LRP1B: variants seen among roughly 807,000 people sequenced by gnomAD.
LRP1B encodes low-density lipoprotein receptor-related protein 1B.
LRP1B carries 217 observed loss-of-function variants against 556.6 expected under a neutral mutation model. The ratio of observed to expected loss-of-function variants is 0.39; its 90% CI spans 0.35 to 0.44. The LOEUF is 0.44. LRP1B is among the 20% of genes least tolerant of loss of function. LRP1B has a pLI of 1.00. For synonymous variants in LRP1B, 2,047 were observed against 1,865.8 expected, an observed-to-expected ratio of 1.10 and a Z score of -2.50; for missense variants, 5,053 against 5,620.8, an observed-to-expected ratio of 0.90 and a Z score of 3.23.
intron 7 of LRP1B, among the ~76,000 whole-genome samples, chr2:141,155,485 TA>T (rs200578745): frequency 0.035 from 5,332 of 151,154 alleles, 128 homozygotes; most frequent in African/African-American, 0.071. Context: ...TTTTTATTAT[TA>T]TTTTTTTTTA....
At chr2:141,183,051 C>G (rs986602964) in intron 7 of LRP1B, among the ~76,000 whole-genome samples, 4 of 151,830 alleles carry the variant, frequency 2.6e-5, no homozygotes, top group Non-Finnish European at 5.9e-5. Context: ...GCTTTAGAAC[C>G]GTCTCAGTCC....
intron 79 of LRP1B, among the ~76,000 whole-genome samples, chr2:140,327,352 C>T (rs1318065167): frequency 1.3e-5 from 2 of 152,002 alleles, no homozygotes; most frequent in African/African-American, 4.8e-5. Flanking sequence ...TATTTTGTTC[C>T]TCAAGTAATG....
intron 84 of LRP1B, among the ~76,000 whole-genome samples, chr2:140,293,803 T>A (rs1299635661): frequency 6.6e-6 from 1 of 152,202 alleles, no homozygotes; most frequent in Non-Finnish European, 1.5e-5. Flanking sequence ...CAAGAATGTT[T>A]GTTGACATCT....
chr2:140,247,119 G>T lies in LRP1B; in HGVS notation c.13291C>A (p.Pro4431Thr), dbSNP rs1371477935. 6.2e-7 allele frequency: 1 copy of T among 1,609,454 alleles called. No individual in the cohort carries two copies. Among genetic ancestry groups the T allele is most frequent in the Non-Finnish European group, 8.5e-7 (1 of 1,176,834 alleles). Residue 4431 changes from proline (P) to threonine (T), a missense_variant, in exon 87 of 91, where the codon CCA becomes ACA. Pro to Thr is a conservative substitution (Grantham distance 38). Transcript: ENST00000389484. ...ATATGATCAGACTTGCTGCTCTTTG[G>T]GGCTGGCCTTTCACACTGTGTGCCT... ...WSGTQCERPA[P>T]KSSKSDHIST...
intron 1 of LRP1B, among the ~76,000 whole-genome samples, chr2:141,840,932 G>GGA (rs1697448873): frequency 6.9e-6 from 1 of 145,956 alleles, no homozygotes; most frequent in African/African-American, 2.5e-5. Flanking sequence ...TGCATCTAGG[G>GGA]AAAAAAAAAA....
chr2:140,597,009 C>T (rs1463610486), intron 43 of LRP1B, among the ~76,000 whole-genome samples: 1 of 151,930 alleles, frequency 6.6e-6, no homozygotes, highest in Admixed American at 6.6e-5. Flanking sequence ...CATAAATAGT[C>T]CCTAAATTAA....
Position 141,940,602 on chromosome 2 carries a change from T to C in LRP1B, c.83-130201A>G, listed in dbSNP as rs557662659. 9.8e-4 allele frequency among the ~76,000 whole-genome samples: 150 copies of C among 152,318 alleles called. 1 individual carries two copies. The highest frequency in any genetic ancestry group is 3.6e-3 in the African/African-American group (148 of 41,588). ...TACTTATCCTGACTTCTATTCATGA[T>C]TTAACTAAATCCGGTTTCCTTAGGA... On this transcript the variant is annotated intron_variant, in intron 1 of 90. Transcript: ENST00000389484.
intron 3 of LRP1B, among the ~76,000 whole-genome samples, chr2:141,457,815 G>A (rs1056550671): frequency 2.6e-5 from 4 of 152,132 alleles, no homozygotes; most frequent in African/African-American, 9.7e-5. Flanking sequence ...GGCAGAAAAT[G>A]GAAGCCCAGG....
intron 1 of LRP1B, among the ~76,000 whole-genome samples, chr2:141,911,851 G>GTC (rs3039378): frequency 0.86 from 130,316 of 151,878 alleles, 56,083 homozygotes; most frequent in East Asian, 1. Context: ...CTGTGGAAGA[G>GTC]TCTCAAATAA....
intron 1 of LRP1B, among the ~76,000 whole-genome samples, chr2:142,091,452 T>C (rs1706170883): frequency 6.6e-6 from 1 of 152,138 alleles, no homozygotes; most frequent in African/African-American, 2.4e-5. Flanking sequence ...TTCTTAGAAG[T>C]ATAGCTAAAA....
chr2:141,048,450 T>TA (rs1698942887), intron 11 of LRP1B, among the ~76,000 whole-genome samples: 1 of 152,108 alleles, frequency 6.6e-6, no homozygotes, highest in Admixed American at 6.6e-5. Flanking sequence ...TACCTATAAA[T>TA]AAAAATAGAT....
At chr2:141,851,870 T>C (rs1162333416) in intron 1 of LRP1B, among the ~76,000 whole-genome samples, 1 of 151,782 alleles carries the variant, frequency 6.6e-6, no homozygotes, top group East Asian at 1.9e-4. Flanking sequence ...ACTTTTCTGA[T>C]AATAATTCCC....
intron 5 of LRP1B, among the ~76,000 whole-genome samples, chr2:141,235,470 C>T (rs1375383179): frequency 1.3e-5 from 2 of 152,024 alleles, no homozygotes; most frequent in African/African-American, 4.8e-5. Flanking sequence ...AGTGGAGGCA[C>T]AAGTTTCCTG....
At chr2:140,241,939 G>A (rs1178069515) in intron 87 of LRP1B, among the ~76,000 whole-genome samples, 1 of 150,578 alleles carries the variant, frequency 6.6e-6, no homozygotes, top group Non-Finnish European at 1.5e-5. Context: ...AGGGTGGAGG[G>A]GATATCTCAA....
chr2:140,867,434 C>T (rs1471723630), intron 27 of LRP1B, among the ~76,000 whole-genome samples, 156 bp downstream of exon 27: 2 of 151,806 alleles, frequency 1.3e-5, no homozygotes, highest in African/African-American at 4.8e-5. Context: ...AAATTCTAAA[C>T]CAGTTAAAAT....
intron 1 of LRP1B, among the ~76,000 whole-genome samples, chr2:141,843,313 A>G (rs1007373692): frequency 2.6e-5 from 4 of 152,180 alleles, no homozygotes; most frequent in Admixed American, 2.6e-4. Context: ...GGTTGGTTAC[A>G]TATAATCCAT....
intron 2 of LRP1B, among the ~76,000 whole-genome samples, chr2:141,556,999 T>C (rs1006516276): frequency 1.3e-5 from 2 of 151,794 alleles, no homozygotes; most frequent in African/African-American, 4.8e-5. Flanking sequence ...TGGATGTAAA[T>C]AATATTTACA....
chr2:140,440,212 T>C (rs1686366014), intron 66 of LRP1B, among the ~76,000 whole-genome samples: 1 of 152,110 alleles, frequency 6.6e-6, no homozygotes, highest in South Asian at 2.1e-4. Flanking sequence ...GAATGTAGCA[T>C]GGGTTAAGAA....
chr2:140,936,043 GAA>G (rs370306402), intron 20 of LRP1B, among the ~76,000 whole-genome samples: 2 of 144,558 alleles, frequency 1.4e-5, no homozygotes, highest in African/African-American at 2.5e-5. Flanking sequence ...AGTGTCAAAA[GAA>G]AAAAAAAAAC....
Sources: allele counts gnomAD v4.1 joint callset (sites outside exome capture counted in the v4.1 genomes callset), GRCh38; gene constraint gnomAD v4.1.1; transcripts MANE v1.5; gene names NCBI Gene and HGNC (gene_info 2026-07-23, HGNC 2026-07-21).